UBE2N: variants seen among roughly 807,000 people sequenced by gnomAD.
UBE2N encodes the protein ubiquitin-conjugating enzyme E2 N.
For synonymous variants in UBE2N, 70 were observed against 69.2 expected, an observed-to-expected ratio of 1.01 and a Z score of -0.06; for missense variants, 60 against 192.1, an observed-to-expected ratio of 0.31 and a Z score of 4.07.
intron 1 of UBE2N, 123 bp downstream of exon 1, chr12:93,441,732 C>A (rs1217347421): frequency 9.5e-6 from 13 of 1,368,622 alleles, no homozygotes. Flanking sequence ...GCCAACCCCT[C>A]TCCGCGCCGC....
chr12:93,432,347 T>C (rs1878794731), intron 1 of UBE2N, among the ~76,000 whole-genome samples: 1 of 150,896 alleles, frequency 6.6e-6, no homozygotes, highest in Non-Finnish European at 1.5e-5. Flanking sequence ...CATGAATGGA[T>C]AATAAAGAGA....
At position 93,436,761 on chromosome 12, in the gene UBE2N, T is replaced by G. The variant is rs996515312; in HGVS notation, c.30+5094A>C. 3.3e-5 allele frequency among the ~76,000 whole-genome samples: 5 copies of G among 152,268 alleles called. 1 individual carries two copies. Among genetic ancestry groups the G allele is most frequent in the East Asian group, 1.9e-4 (1 of 5,182 alleles). On this transcript the variant is annotated intron_variant, in intron 1 of 3. Transcript: ENST00000318066. ...CAGGTGTGAACCACCATGCCCAGCT[T>G]CAGTCACTTTTATTGGCTAAAAGAG...
At chr12:93,441,767 G>C (rs1022871428) in intron 1 of UBE2N, 88 bp downstream of exon 1, 4 of 1,530,604 alleles carry the variant, frequency 2.6e-6, no homozygotes, top group Non-Finnish European at 3.5e-6. Flanking sequence ...AGCGGGCCGC[G>C]GGCCGAAGGA....
intron 1 of UBE2N, among the ~76,000 whole-genome samples, chr12:93,421,490 G>A (rs1878410323): frequency 6.6e-6 from 1 of 152,154 alleles, no homozygotes; most frequent in African/African-American, 2.4e-5. Context: ...ATACAATAAA[G>A]ACAATTAACT....
intron 1 of UBE2N, among the ~76,000 whole-genome samples, chr12:93,415,496 G>A (rs909378897): frequency 6.6e-6 from 1 of 152,180 alleles, no homozygotes; most frequent in African/African-American, 2.4e-5. Context: ...CATTTTTAGA[G>A]TATTAAAAAG....
chr12:93,434,263 G>A (rs566448130), intron 1 of UBE2N, among the ~76,000 whole-genome samples: 20 of 152,314 alleles, frequency 1.3e-4, no homozygotes, highest in Non-Finnish European at 2.8e-4. Context: ...CTGCACTCCA[G>A]CCTGGCGACA....
rs555633689 is a variant in UBE2N, at chr12:93,424,056, TTTG to T, written c.31-12760_31-12758del. Among the ~76,000 whole-genome samples the T allele has an allele frequency of 1.9e-3, 289 of 152,306 alleles. 1 individual carries two copies. The highest frequency in any genetic ancestry group is 6.4e-3 in the African/African-American group (266 of 41,562). ...ATCCAATTAACATTCTAGAATGTTT[TTTG>T]TTGTTGTTGTTCTGATAAAGACAAA... On this transcript the variant is annotated intron_variant, in intron 1 of 3. Transcript: ENST00000318066.
rs114393163 is a variant in UBE2N, at chr12:93,415,049, A to T, written c.31-3750T>A. 7.7e-3 allele frequency among the ~76,000 whole-genome samples: 1,179 copies of T among 152,328 alleles called. 15 individuals carry two copies. Among genetic ancestry groups the T allele is most frequent in the African/African-American group, 0.027 (1,123 of 41,566 alleles). The stretch of plus-strand genomic sequence containing the variant: ...AAGGCAGGGTTATTTTCAAGGCAGG[A>T]TGTGCACATTATGGAAGGAAAACAA... On this transcript the variant is annotated intron_variant, in intron 1 of 3. Coordinates refer to ENST00000318066, the MANE Select transcript of UBE2N (RefSeq NM_003348.4).
intron 1 of UBE2N, among the ~76,000 whole-genome samples, chr12:93,441,537 C>A (rs1384753621): frequency 1.3e-5 from 2 of 152,028 alleles, no homozygotes; most frequent in Non-Finnish European, 2.9e-5. Context: ...GCTATGGAGG[C>A]CCGCGCCCAA....
intron 1 of UBE2N, among the ~76,000 whole-genome samples, chr12:93,441,422 C>A (rs915550871): frequency 4.9e-4 from 74 of 152,258 alleles, no homozygotes; most frequent in Non-Finnish European, 9.1e-4. Flanking sequence ...AGAAGAGGGG[C>A]TTGGCTGCCG....
chr12:93,434,742 G>A (rs746747096), intron 1 of UBE2N, among the ~76,000 whole-genome samples: 6 of 151,986 alleles, frequency 3.9e-5, no homozygotes, highest in African/African-American at 1.2e-4. Context: ...TTTTTTCCTA[G>A]GAAGAGGTCA....
At position 93,406,631 on chromosome 12, in the gene UBE2N, C is replaced by T. The variant is rs1877832960; in HGVS notation, c.*3408G>A. 6.6e-6 allele frequency: 1 copy of T among 152,152 alleles called. No individual in the cohort carries two copies. The highest frequency in any genetic ancestry group is 1.5e-5 in the Non-Finnish European group (1 of 68,046). The allele number at this position is 152,152 out of a possible 1,614,324, so 9.4% of individuals were successfully genotyped here. On this transcript the variant is annotated 3_prime_UTR_variant, in exon 4 of 4. Transcript: ENST00000318066. ...TTCCAAAAAACATTGTGTCTGTAGT[C>T]AACATGTATATTTTTGTCATTATTC...
At chr12:93,422,277 AATGAC>A (rs1196541713) in intron 1 of UBE2N, among the ~76,000 whole-genome samples, 3 of 152,210 alleles carry the variant, frequency 2.0e-5, no homozygotes, top group African/African-American at 7.2e-5. Context: ...TGATTTGATG[AATGAC>A]ATAACACTTC....
chr12:93,418,159 C>T (rs1473454881), intron 1 of UBE2N, among the ~76,000 whole-genome samples: 1 of 152,060 alleles, frequency 6.6e-6, no homozygotes, highest in Non-Finnish European at 1.5e-5. Context: ...AATGTTACCA[C>T]CAGCCTGGGC....
chr12:93,427,396 T>C (rs1010417558), intron 1 of UBE2N, among the ~76,000 whole-genome samples: 10 of 152,206 alleles, frequency 6.6e-5, no homozygotes, highest in African/African-American at 2.4e-4. Flanking sequence ...AAGGTTTTAT[T>C]TAGAAAACAC....
At position 93,411,061 on chromosome 12, in the gene UBE2N, A is replaced by G; in HGVS notation, c.269T>C (p.Ile90Thr). Residue 90 changes from isoleucine to threonine, a missense_variant, in exon 2 of 4, where the codon ATT (isoleucine) becomes ACT (threonine). Physicochemically the swap from Ile to Thr is moderately conservative, Grantham distance 89 (BLOSUM62 -1). Coordinates refer to ENST00000318066, the MANE Select transcript of UBE2N (RefSeq NM_003348.4). ...VDKLGRICLD[I>T]LKDKWSPALQ... ...ATAAAGATAACACTTACCTTTCAAA[A>G]TATCTAAACATATTCTTCCCAACTT... The G allele has an allele frequency of 6.2e-7, 1 of 1,614,232 alleles. No homozygotes were observed. Among genetic ancestry groups the G allele is most frequent in the East Asian group, 2.2e-5 (1 of 44,892 alleles).
rs1049725137 is a variant in UBE2N at position 93,408,437 on chromosome 12, A to G, written c.*1602T>C. Reference sequence around the variant, plus strand: ...ATAGGAGCACAATAAAATACACCACAATCTGAAGAAACTCCAGAATTACGA... The same window carrying G: ...ATAGGAGCACAATAAAATACACCACGATCTGAAGAAACTCCAGAATTACGA... On this transcript the variant is annotated 3_prime_UTR_variant, in exon 4 of 4. Coordinates refer to ENST00000318066, the MANE Select transcript of UBE2N (RefSeq NM_003348.4). 1 of 152,224 alleles carries G rather than the reference A, an allele frequency of 6.6e-6. No homozygotes were observed. Among genetic ancestry groups the G allele is most frequent in the Non-Finnish European group, 1.5e-5 (1 of 68,044 alleles). The allele number at this position is 152,224 out of a possible 1,614,324, so 9.4% of individuals were successfully genotyped here. A position where few individuals can be genotyped will look rare whatever the true frequency, so the allele number is the denominator to read the frequency against.
At chr12:93,430,473 T>G (rs1878728466) in intron 1 of UBE2N, among the ~76,000 whole-genome samples, 1 of 152,134 alleles carries the variant, frequency 6.6e-6, no homozygotes, top group Admixed American at 6.5e-5. Flanking sequence ...AATCCAGGAC[T>G]GGCTGGGTGG....
chr12:93,435,574 C>T (rs528400632), intron 1 of UBE2N, among the ~76,000 whole-genome samples: 1 of 152,222 alleles, frequency 6.6e-6, no homozygotes, highest in African/African-American at 2.4e-5. Flanking sequence ...TGTAGTAAGC[C>T]GAGATTGTGC....
Sources: allele counts gnomAD v4.1 joint callset (sites outside exome capture counted in the v4.1 genomes callset), GRCh38; gene constraint gnomAD v4.1.1; transcripts MANE v1.5; gene names NCBI Gene and HGNC (gene_info 2026-07-23, HGNC 2026-07-21).